Variants in MEGF11 observed in about 807,000 individuals in gnomAD.
MEGF11 encodes multiple EGF like domains 11.
In MEGF11, 126 loss-of-function variants were observed where a neutral mutation model predicts 146.6. The observed-to-expected ratio is 0.86, with a 90% CI of 0.74 to 1.00. The LOEUF (loss-of-function observed/expected upper bound fraction) is 1.00. MEGF11 is among the 50% of genes least tolerant of loss of function. The pLI, the probability that MEGF11 is intolerant of heterozygous loss-of-function variation, is 0.00. For missense variants in MEGF11, 1,509 were observed against 1,521.2 expected (o/e 0.99, Z 0.13); for synonymous variants, 532 against 583.4 (o/e 0.91, Z 1.27).
At chr15:65,947,410 CCT>C (rs2080238967) in intron 10 of MEGF11, among the ~76,000 whole-genome samples, 1 of 152,116 alleles carries the variant, frequency 6.6e-6, no homozygotes, top group East Asian at 1.9e-4. Context: ...ACGCTGACCC[CCT>C]GTCTCCTGGG....
Position 66,068,417 on chromosome 15 carries a change from C to T in MEGF11, c.394+25985G>A, listed in dbSNP as rs564654688. ...CCACCACATACCAATCGTGCTCTTT[C>T]TCCACAACTGTGACAACCAAAAATA... On this transcript the variant is annotated intron_variant, in intron 5 of 25. Transcript: ENST00000395614. Among the ~76,000 whole-genome samples, 7 of 152,334 alleles carry T rather than the reference C, an allele frequency of 4.6e-5. No individual in the cohort carries two copies. In the South Asian group the frequency reaches 1.5e-3, roughly 32 times the overall value.
Position 66,195,989 on chromosome 15 carries a change from A to G in MEGF11, c.-9+57616T>C, listed in dbSNP as rs541601383. ...ACTGCAGGACGAGTAGGAGTTAACC[A>G]GAGCGGGGTAAGTGGCAGGAAGAGC... On this transcript the variant is annotated intron_variant, in intron 1 of 25. Transcript: ENST00000395614. 2.7e-3 allele frequency among the ~76,000 whole-genome samples: 407 copies of G among 152,330 alleles called. 2 individuals carry two copies. The highest frequency in any genetic ancestry group is 9.4e-3 in the African/African-American group (392 of 41,572).
intron 8 of MEGF11, chr15:65,965,493 G>A (rs889529514): frequency 2.1e-5 from 4 of 194,648 alleles, no homozygotes; most frequent in African/African-American, 7.0e-5. Flanking sequence ...GTATTAGGAG[G>A]TGTGGCCTTT....
chr15:66,213,930 A>T (rs2091523543), intron 1 of MEGF11, among the ~76,000 whole-genome samples: 1 of 151,856 alleles, frequency 6.6e-6, no homozygotes, highest in African/African-American at 2.4e-5. Context: ...ATGGCTCCCA[A>T]ACCAGAGAAA....
intron 5 of MEGF11, among the ~76,000 whole-genome samples, chr15:66,022,928 G>A (rs575924703): frequency 2.1e-4 from 32 of 151,620 alleles, no homozygotes; most frequent in African/African-American, 7.5e-4. Context: ...CGGGTGGGGT[G>A]GATTGCTTGA....
At chr15:66,120,383 T>C (rs2087963007) in intron 3 of MEGF11, among the ~76,000 whole-genome samples, 2 of 152,160 alleles carry the variant, frequency 1.3e-5, no homozygotes, top group African/African-American at 4.8e-5. Flanking sequence ...CCCCAAGTCC[T>C]TGGGCCTTGA....
chr15:66,094,516 G>A lies in MEGF11; in HGVS notation c.302-22C>T, dbSNP rs776231373. The stretch of plus-strand genomic sequence containing the variant: ...AGGGCTGAGGGGACATGGGGAGAGG[G>A]AGGAAGAACCAGAACAAACAGTGAA... On this transcript the variant is annotated intron_variant, in intron 4 of 25. Coordinates refer to ENST00000395614, the MANE Select transcript of MEGF11 (RefSeq NM_001385028.1). The A allele has an allele frequency of 1.9e-6, 3 of 1,546,156 alleles. No individual in the cohort carries two copies. In the South Asian group the frequency reaches 3.6e-5, roughly 18 times the overall value.
chr15:66,182,818 C>A (rs1420500744), intron 1 of MEGF11, among the ~76,000 whole-genome samples: 1 of 152,148 alleles, frequency 6.6e-6, no homozygotes, highest in Non-Finnish European at 1.5e-5. Context: ...GTCATTTAGT[C>A]TAAGACACTT....
At chr15:66,099,408 C>T (rs1483774736) in intron 4 of MEGF11, among the ~76,000 whole-genome samples, 1 of 152,126 alleles carries the variant, frequency 6.6e-6, no homozygotes, top group Non-Finnish European at 1.5e-5. Flanking sequence ...TGGTCTCGAA[C>T]TCCTGACCTC....
chr15:66,080,950 G>A (rs890159170), intron 5 of MEGF11, among the ~76,000 whole-genome samples: 8 of 152,220 alleles, frequency 5.3e-5, no homozygotes, highest in East Asian at 1.9e-4. Context: ...ATTGCTTTGC[G>A]GTGATTCATC....
chr15:66,116,452 T>G (rs1309553713), intron 4 of MEGF11, among the ~76,000 whole-genome samples: 1 of 152,022 alleles, frequency 6.6e-6, no homozygotes, highest in Non-Finnish European at 1.5e-5. Context: ...ATACTCTAAG[T>G]CCCCTCCTTT....
chr15:66,103,005 GTTA>G (rs2086890890), intron 4 of MEGF11, among the ~76,000 whole-genome samples: 1 of 152,112 alleles, frequency 6.6e-6, no homozygotes, highest in African/African-American at 2.4e-5. Flanking sequence ...GGAAAGCACT[GTTA>G]TTATCCCCTT....
chr15:66,008,130 T>C (rs958812966), intron 5 of MEGF11, among the ~76,000 whole-genome samples: 4 of 152,220 alleles, frequency 2.6e-5, no homozygotes, highest in Non-Finnish European at 5.9e-5. Context: ...CACACTTCAC[T>C]GTGGCCTGTG....
chr15:66,052,015 A>G (rs2084466999), intron 5 of MEGF11, among the ~76,000 whole-genome samples: 1 of 152,234 alleles, frequency 6.6e-6, no homozygotes. Context: ...GCAACGGCAC[A>G]AAAATAGATT....
chr15:65,931,188 TA>T (rs2079563514), intron 10 of MEGF11, among the ~76,000 whole-genome samples: 1 of 151,210 alleles, frequency 6.6e-6, no homozygotes, highest in Non-Finnish European at 1.5e-5. Flanking sequence ...TCCTTAAGAG[TA>T]AAAGATGACC....
chr15:65,968,800 G>A (rs1172229024), intron 8 of MEGF11, among the ~76,000 whole-genome samples: 1 of 152,118 alleles, frequency 6.6e-6, no homozygotes, highest in Non-Finnish European at 1.5e-5. Flanking sequence ...TACAAAATGA[G>A]CTGCAAAGCC....
chr15:66,035,154 T>C (rs970094215), intron 5 of MEGF11, among the ~76,000 whole-genome samples: 1 of 152,188 alleles, frequency 6.6e-6, no homozygotes. Context: ...TTAAATGAGC[T>C]GAGGTACCCA....
intron 22 of MEGF11, among the ~76,000 whole-genome samples, chr15:65,909,428 C>T (rs2078727830): frequency 6.6e-6 from 1 of 152,004 alleles, no homozygotes; most frequent in East Asian, 1.9e-4. Context: ...AAAGGAGCAC[C>T]TTGGTAGGGC....
intron 1 of MEGF11, among the ~76,000 whole-genome samples, chr15:66,251,590 TA>T: frequency 6.6e-6 from 1 of 152,158 alleles, no homozygotes; most frequent in East Asian, 1.9e-4. Context: ...CCTCTGCCTC[TA>T]ACCTCACACA....
Sources: allele counts gnomAD v4.1 joint callset (sites outside exome capture counted in the v4.1 genomes callset), GRCh38; gene constraint gnomAD v4.1.1; transcripts MANE v1.5; gene names NCBI Gene and HGNC (gene_info 2026-07-23, HGNC 2026-07-21).